The following PCDHGA4 variants were observed in gnomAD, a reference collection of about 807,000 sequenced individuals.
The protein encoded by PCDHGA4 is protocadherin gamma-A4.
Under a neutral mutation model 54.6 loss-of-function variants are expected in PCDHGA4, and 38 were observed. That is an observed-to-expected ratio of 0.70 (90% CI 0.54 to 0.91). The LOEUF (loss-of-function observed/expected upper bound fraction) is 0.91. Among genes scored for constraint, PCDHGA4 ranks in the 40% least tolerant of loss-of-function variants. The pLI is 0.00. For missense variants in PCDHGA4, 1,298 were observed against 1,220.9 expected (o/e 1.06, Z -0.94); for synonymous variants, 511 against 512.9 (o/e 1.00, Z 0.05).
chr5:141,397,738 C>T (rs1211172946), intron 1 of PCDHGA4, among the ~76,000 whole-genome samples: 1 of 152,162 alleles, frequency 6.6e-6, no homozygotes, highest in East Asian at 1.9e-4. Flanking sequence ...AGAAAGATAC[C>T]TTAAAGAAGT....
chr5:141,450,006 C>CTTTT (rs1554136305), intron 1 of PCDHGA4, among the ~76,000 whole-genome samples: 4 of 132,984 alleles, frequency 3.0e-5, no homozygotes, highest in South Asian at 2.3e-4. Flanking sequence ...TGCCATGTCT[C>CTTTT]TTTTTTTTTT....
intron 1 of PCDHGA4, chr5:141,366,296 G>A (rs776172631): frequency 6.2e-6 from 10 of 1,613,616 alleles, no homozygotes; most frequent in African/African-American, 2.7e-5. Flanking sequence ...CCCTCTGTCA[G>A]CCACCTTCAC....
chr5:141,436,309 T>C (rs1228417864), intron 1 of PCDHGA4, among the ~76,000 whole-genome samples: 1 of 152,198 alleles, frequency 6.6e-6, no homozygotes, highest in Non-Finnish European at 1.5e-5. Flanking sequence ...AGAGCATGAA[T>C]AGTCAAGACT....
Position 141,486,544 on chromosome 5 carries a change from G to C in PCDHGA4, c.2515-8263G>C, listed in dbSNP as rs1376583724. Reference sequence around the variant, plus strand: ...ATGATAATCCACCCTCTTTCTTTCAGAGGTCACATGAGGTGTTTGTTCCTG... The same window carrying C: ...ATGATAATCCACCCTCTTTCTTTCACAGGTCACATGAGGTGTTTGTTCCTG... On this transcript the variant is annotated intron_variant, in intron 1 of 3. Coordinates refer to ENST00000571252, the MANE Select transcript of PCDHGA4 (RefSeq NM_018917.4). The surrounding 1 kb of genome is among the most constrained non-coding windows in gnomAD (Gnocchi z 5.0). The C allele has an allele frequency of 6.2e-7, 1 of 1,613,964 alleles. No homozygotes were observed. The highest frequency in any genetic ancestry group is 1.3e-5 in the African/African-American group (1 of 74,932).
At chr5:141,433,289 G>C in intron 1 of PCDHGA4, 1 of 1,130,682 alleles carries the variant, frequency 8.8e-7, no homozygotes, top group Non-Finnish European at 1.3e-6. Context: ...AAACTCCTAG[G>C]CTCAAGCAAT....
At chr5:141,388,733 A>G in intron 1 of PCDHGA4, 1 of 1,613,986 alleles carries the variant, frequency 6.2e-7, no homozygotes, top group Non-Finnish European at 8.5e-7. Context: ...CTTTCAGTGA[A>G]GCTAGCCAGA....
chr5:141,494,843 G>T lies in PCDHGA4; in HGVS notation c.2551G>T (p.Ala851Ser). The T allele has an allele frequency of 6.2e-7, 1 of 1,614,088 alleles. No individual in the cohort carries two copies. The highest frequency in any genetic ancestry group is 8.5e-7 in the Non-Finnish European group (1 of 1,180,006). ...PPNTDWRFSQ[A>S]QRPGTSGSQN... Reference sequence around the variant, plus strand: ...CAACACGGACTGGCGTTTCTCTCAGGCCCAGAGACCCGGCACCAGCGGGTA... The same window carrying T: ...CAACACGGACTGGCGTTTCTCTCAGTCCCAGAGACCCGGCACCAGCGGGTA... Residue 851 changes from alanine (A) to serine (S), a missense_variant, in exon 2 of 4, where the codon GCC becomes TCC. Transcript: ENST00000571252.
intron 1 of PCDHGA4, chr5:141,441,988 A>G: frequency 3.7e-6 from 1 of 269,936 alleles, no homozygotes; most frequent in Non-Finnish European, 7.3e-6. Flanking sequence ...ATGCGCACCG[A>G]CGAGGTGCTG....
intron 1 of PCDHGA4, chr5:141,399,534 A>G (rs772655467): frequency 3.7e-6 from 6 of 1,614,030 alleles, no homozygotes; most frequent in Middle Eastern, 1.6e-4. Flanking sequence ...CCATCGCGCA[A>G]GTCTGCGCCT....
intron 1 of PCDHGA4, among the ~76,000 whole-genome samples, chr5:141,455,095 A>G (rs910300076): frequency 2.6e-5 from 4 of 151,836 alleles, no homozygotes; most frequent in African/African-American, 9.7e-5. Flanking sequence ...TACAGGCTTG[A>G]GCCACTGCGC....
In PCDHGA4 at chr5:141,423,465, G is replaced by A. The variant is rs762995150; in HGVS notation, c.2514+65844G>A. On this transcript the variant is annotated intron_variant, in intron 1 of 3. Coordinates refer to ENST00000571252, the MANE Select transcript of PCDHGA4 (RefSeq NM_018917.4). ...CGTCACATTTTGTAGGCGTGGACGG[G>A]GTACAGGCTTTCCTGCAAACCTATT... The A allele has an allele frequency of 2.6e-5, 42 of 1,614,006 alleles. 1 individual carries two copies. The Middle Eastern group carries it at 1.5e-3, about 57-fold the overall frequency.
In PCDHGA4 at chr5:141,489,116, C is replaced by A; in HGVS notation, c.2515-5691C>A. Reference sequence around the variant, plus strand: ...TAAGAACTGCTGCAAGCAGGCAAACCTCCGAGCAGTTTTTAAGAGGCTGGA... The same window carrying A: ...TAAGAACTGCTGCAAGCAGGCAAACATCCGAGCAGTTTTTAAGAGGCTGGA... On this transcript the variant is annotated intron_variant, in intron 1 of 3. Transcript: ENST00000571252. The surrounding 1 kb of genome is among the most constrained non-coding windows in gnomAD (Gnocchi z 4.5). 3.7e-6 allele frequency: 2 copies of A among 536,398 alleles called. No homozygotes were observed. The highest frequency in any genetic ancestry group is 6.2e-6 in the Non-Finnish European group (2 of 322,530). 33.2% of individuals were successfully genotyped at this position (536,398 alleles called of 1,614,324 possible).
intron 1 of PCDHGA4, among the ~76,000 whole-genome samples, chr5:141,436,122 C>T (rs909678739): frequency 4.6e-5 from 7 of 152,128 alleles, no homozygotes; most frequent in African/African-American, 7.2e-5. Flanking sequence ...AACCTCTCTC[C>T]TCCATCATCT....
chr5:141,419,165 A>G, intron 1 of PCDHGA4: 1 of 1,613,978 alleles, frequency 6.2e-7, no homozygotes, highest in Non-Finnish European at 8.5e-7. Flanking sequence ...ATCCTCCAGC[A>G]AAACCATAAC....
chr5:141,497,412 A>G (rs963440048), intron 2 of PCDHGA4, among the ~76,000 whole-genome samples: 13 of 151,982 alleles, frequency 8.6e-5, no homozygotes, highest in African/African-American at 3.1e-4. Flanking sequence ...CTCCCATTCC[A>G]TCAAATGAGA....
Position 141,485,739 on chromosome 5 carries a change from G to A in PCDHGA4, c.2515-9068G>A. 6.2e-7 allele frequency: 1 copy of A among 1,614,234 alleles called. No individual in the cohort carries two copies. Among genetic ancestry groups the A allele is most frequent in the Non-Finnish European group, 8.5e-7 (1 of 1,180,042 alleles). ...GATGTGAAGAAGCGCAGCGACGGCA[G>A]CCTGGTCCCAGAGCTGCTCCTGGAG... On this transcript the variant is annotated intron_variant, in intron 1 of 3. Transcript: ENST00000571252. The surrounding 1 kb of genome is among the most constrained non-coding windows in gnomAD (Gnocchi z 5.7).
At chr5:141,479,685 G>A (rs749895405) in intron 1 of PCDHGA4, 3 of 152,248 alleles carry the variant, frequency 2.0e-5, no homozygotes, top group Non-Finnish European at 4.4e-5. Flanking sequence ...AGTCTTTTTG[G>A]TGCCTCCAGT....
rs946798767 is a variant in PCDHGA4, at chr5:141,438,591, CATATATATAT to C, written c.2515-56180_2515-56171del. On this transcript the variant is annotated intron_variant, in intron 1 of 3. Transcript: ENST00000571252. The stretch of plus-strand genomic sequence containing the variant: ...TCTGATATACATACATACATACATA[CATATATATAT>C]ATATATATATATATATATATATATA... Among the ~76,000 whole-genome samples, 12 of 75,572 alleles carry C rather than the reference CATATATATAT, an allele frequency of 1.6e-4. No individual in the cohort carries two copies. The East Asian group carries it at 1.7e-3, about 11-fold the overall frequency. The allele number at this position is 75,572 out of a possible 152,430, so 49.6% of individuals were successfully genotyped here.
intron 1 of PCDHGA4, chr5:141,393,987 T>C (rs1361027983): frequency 1.2e-6 from 2 of 1,613,490 alleles, no homozygotes; most frequent in Admixed American, 3.3e-5. Flanking sequence ...TAATTTACCT[T>C]TTAAATTAGA....
Sources: gnomAD v4.1 joint callset for allele counts (sites outside exome capture counted in the v4.1 genomes callset) on GRCh38, gnomAD v4.1.1 for gene constraint, Gnocchi (gnomAD v3.1) non-coding constraint, MANE v1.5 for transcripts, NCBI Gene and HGNC (gene_info 2026-07-23, HGNC 2026-07-21) for gene names.